CLVS2: variants seen among roughly 807,000 people sequenced by gnomAD.
CLVS2 encodes clavesin 2, also known as clavesin-2.
Under a neutral mutation model 29.0 loss-of-function variants are expected in CLVS2, and 19 were observed. The observed-to-expected ratio is 0.66, with a 90% CI of 0.46 to 0.96. The LOEUF (loss-of-function observed/expected upper bound fraction) is 0.96, where lower values mean the gene tolerates loss of function less well. CLVS2 is among the 40% of genes least tolerant of loss of function. The probability of loss-of-function intolerance (pLI) is 0.00; values close to 1 mark genes in which losing one functional copy is unlikely to be tolerated. For synonymous variants in CLVS2, 161 were observed against 151.3 expected, an observed-to-expected ratio of 1.06 and a Z score of -0.47; for missense variants, 294 against 404.1, an observed-to-expected ratio of 0.73 and a Z score of 2.34.
At chr6:123,049,806 G>GT (rs1554203169) in intron 4 of CLVS2, among the ~76,000 whole-genome samples, 3 of 139,100 alleles carry the variant, frequency 2.2e-5, no homozygotes, top group African/African-American at 3.1e-5. Flanking sequence ...TTGTGGGATG[G>GT]GGGGCGGGGA....
intron 4 of CLVS2, among the ~76,000 whole-genome samples, chr6:123,051,948 T>G (rs9490641): frequency 0.065 from 9,878 of 152,168 alleles, 408 homozygotes; most frequent in African/African-American, 0.11. Context: ...ACTTAACAAT[T>G]GGGCAATTGC....
intron 5 of CLVS2, 111 bp downstream of exon 5, chr6:123,056,137 A>C (rs9388175): frequency 0.77 from 554,000 of 721,738 alleles, 213,046 homozygotes; most frequent in East Asian, 0.85. Flanking sequence ...TGGGATTTTA[A>C]AACTCTTTAT....
chr6:123,018,404 T>C (rs1242837640), intron 3 of CLVS2, among the ~76,000 whole-genome samples: 1 of 152,120 alleles, frequency 6.6e-6, no homozygotes, highest in Non-Finnish European at 1.5e-5. Flanking sequence ...TTTCTGTAGA[T>C]ACTGATGAAA....
intron 2 of CLVS2, among the ~76,000 whole-genome samples, chr6:122,998,802 G>T (rs1294282563): frequency 6.6e-6 from 1 of 152,118 alleles, no homozygotes; most frequent in East Asian, 1.9e-4. Context: ...ACTGGTGTAT[G>T]TGTCCTACAC....
In CLVS2 at chr6:123,055,848, A is replaced by T; in HGVS notation, c.718A>T (p.Ile240Phe). Residue 240 changes from isoleucine to phenylalanine, a missense_variant, in exon 5 of 6, where the codon ATT (isoleucine) becomes TTT (phenylalanine). Physicochemically the swap from Ile to Phe is conservative, Grantham distance 21. Transcript: ENST00000275162. ...CAACCTGAACAGTCTACACCAACTA[A>T]TTCATCCTGAGATCCTGCCCTCTGA... ...GNNLNSLHQL[I>F]HPEILPSEFG... is the part of the protein sequence containing the mutation. 2 of 1,614,070 alleles carry T rather than the reference A, an allele frequency of 1.2e-6. No individual in the cohort carries two copies. The highest frequency in any genetic ancestry group is 1.7e-6 in the Non-Finnish European group (2 of 1,179,976).
chr6:123,021,798 C>G (rs1404018756), intron 3 of CLVS2, among the ~76,000 whole-genome samples: 2 of 152,082 alleles, frequency 1.3e-5, no homozygotes, highest in Non-Finnish European at 2.9e-5. Flanking sequence ...GAGGGTGTAA[C>G]TCTAGGCTCC....
At position 122,997,755 on chromosome 6, in the gene CLVS2, A is replaced by T; in HGVS notation, c.-23A>T. The T allele has an allele frequency of 6.2e-7, 1 of 1,606,820 alleles. No homozygotes were observed. The highest frequency in any genetic ancestry group is 8.5e-7 in the Non-Finnish European group (1 of 1,176,564). On this transcript the variant is annotated 5_prime_UTR_variant, in exon 2 of 6. Coordinates refer to ENST00000275162, the MANE Select transcript of CLVS2 (RefSeq NM_001010852.4). ...GACAGTCAACAAGGTCTTCTGAGGGAAAGCTCAGAGATAGGCAGAACAATG... is the reference window on the plus strand; with the variant it reads ...GACAGTCAACAAGGTCTTCTGAGGGTAAGCTCAGAGATAGGCAGAACAATG...
rs144649146 is a variant in CLVS2, at chr6:123,010,979, C to T, written c.390-6C>T. On this transcript the variant is annotated splice_polypyrimidine_tract_variant and splice_region_variant and intron_variant, in intron 2 of 5. Coordinates refer to ENST00000275162, the MANE Select transcript of CLVS2 (RefSeq NM_001010852.4). The stretch of plus-strand genomic sequence containing the variant: ...ACCTAATTTAGTACTTTTCTGTCGC[C>T]GATAGGTACACACTGGTGGATATTT... 527 of 1,459,282 alleles carry T rather than the reference C, an allele frequency of 3.6e-4. 1 individual carries two copies. Among genetic ancestry groups the T allele is most frequent in the African/African-American group, 2.8e-3 (195 of 69,684 alleles). The allele number at this position is 1,459,282 out of a possible 1,614,324, so 90.4% of individuals were successfully genotyped here. A position where few individuals can be genotyped will look rare whatever the true frequency, so the allele number is the denominator to read the frequency against.
intron 3 of CLVS2, among the ~76,000 whole-genome samples, 183 bp downstream of exon 3, chr6:123,011,342 G>C (rs1012656272): frequency 1.8e-4 from 27 of 152,026 alleles, no homozygotes; most frequent in Admixed American, 4.6e-4. Flanking sequence ...TGAAGGAAGA[G>C]AGTTTGTGAC....
chr6:123,042,461 A>G (rs1216845948), intron 3 of CLVS2, among the ~76,000 whole-genome samples: 2 of 152,170 alleles, frequency 1.3e-5, no homozygotes, highest in Non-Finnish European at 2.9e-5. Flanking sequence ...TGAGATTTTA[A>G]TGAGGAATGA....
intron 5 of CLVS2, among the ~76,000 whole-genome samples, 184 bp downstream of exon 5, chr6:123,056,210 A>G (rs1044410127): frequency 5.9e-5 from 9 of 152,206 alleles, no homozygotes; most frequent in African/African-American, 2.2e-4. Flanking sequence ...TATAGTGAGA[A>G]CATTTAAAAT....
At chr6:123,022,636 A>G (rs1774940427) in intron 3 of CLVS2, among the ~76,000 whole-genome samples, 1 of 152,042 alleles carries the variant, frequency 6.6e-6, no homozygotes, top group Non-Finnish European at 1.5e-5. Flanking sequence ...GAAGAAATTT[A>G]TTTCCAAAAT....
chr6:123,021,622 G>T (rs995290207), intron 3 of CLVS2, among the ~76,000 whole-genome samples: 1 of 152,018 alleles, frequency 6.6e-6, no homozygotes, highest in Non-Finnish European at 1.5e-5. Flanking sequence ...ATAATGCAAA[G>T]AGATCCCATA....
intron 3 of CLVS2, among the ~76,000 whole-genome samples, chr6:123,011,378 C>G (rs1192758707): frequency 6.6e-6 from 1 of 151,940 alleles, no homozygotes; most frequent in African/African-American, 2.4e-5. Flanking sequence ...CCTGTCTAAA[C>G]AAATACAGGT....
rs1489014018 is a variant in CLVS2, at chr6:123,066,275, C to T, written c.*2514C>T. ...ATCCTATGTCTATGAATAACCTATA[C>T]ACTATAGTTGTATGCCTATAAGCAC... On this transcript the variant is annotated 3_prime_UTR_variant, in exon 6 of 6. Transcript: ENST00000275162. 6.6e-6 allele frequency: 1 copy of T among 151,674 alleles called. No individual in the cohort carries two copies. The highest frequency in any genetic ancestry group is 6.6e-5 in the Admixed American group (1 of 15,166). The allele number at this position is 151,674 out of a possible 1,614,324, so 9.4% of individuals were successfully genotyped here. A position where few individuals can be genotyped will look rare whatever the true frequency, so the allele number is the denominator to read the frequency against.
At chr6:123,042,405 C>T (rs1775246870) in intron 3 of CLVS2, among the ~76,000 whole-genome samples, 1 of 152,060 alleles carries the variant, frequency 6.6e-6, no homozygotes, top group African/African-American at 2.4e-5. Context: ...TACACAATTC[C>T]TTGCATCTAA....
Position 123,036,701 on chromosome 6 carries a change from C to T in CLVS2, c.565-11921C>T, listed in dbSNP as rs190407918. On this transcript the variant is annotated intron_variant, in intron 3 of 5. Transcript: ENST00000275162. ...TCATCAGCACTTTCAGACTGAGGGG[C>T]TGCCTACATGCTGAGCCCCAGTCTT... Among the ~76,000 whole-genome samples, 7 of 152,304 alleles carry T rather than the reference C, an allele frequency of 4.6e-5. No homozygotes were observed. The East Asian group carries it at 1.4e-3, about 29-fold the overall frequency.
Position 122,997,758 on chromosome 6 carries a change from G to A in CLVS2, c.-20G>A. 2.5e-6 allele frequency: 4 copies of A among 1,608,930 alleles called. No individual in the cohort carries two copies. The highest frequency in any genetic ancestry group is 3.4e-6 in the Non-Finnish European group (4 of 1,177,732). The stretch of plus-strand genomic sequence containing the variant: ...AGTCAACAAGGTCTTCTGAGGGAAA[G>A]CTCAGAGATAGGCAGAACAATGACT... On this transcript the variant is annotated 5_prime_UTR_variant, in exon 2 of 6. Transcript: ENST00000275162.
chr6:123,063,821 G>A lies in CLVS2; in HGVS notation c.*60G>A, dbSNP rs2114372647. 7.2e-6 allele frequency: 8 copies of A among 1,115,340 alleles called. No homozygotes were observed. Among genetic ancestry groups the A allele is most frequent in the Non-Finnish European group, 1.1e-5 (8 of 734,888 alleles). The allele number at this position is 1,115,340 out of a possible 1,614,324, so 69.1% of individuals were successfully genotyped here. A position where few individuals can be genotyped will look rare whatever the true frequency, so the allele number is the denominator to read the frequency against. On this transcript the variant is annotated 3_prime_UTR_variant, in exon 6 of 6. Coordinates refer to ENST00000275162, the MANE Select transcript of CLVS2 (RefSeq NM_001010852.4). ...GGAAAGTATTGGTTTTCAGCAACAG[G>A]GACAACACTGTAGAGGAATTACCAG...
Sources: allele counts gnomAD v4.1 joint callset (sites outside exome capture counted in the v4.1 genomes callset), GRCh38; gene constraint gnomAD v4.1.1; transcripts MANE v1.5; gene names NCBI Gene and HGNC (gene_info 2026-07-23, HGNC 2026-07-21).